ARHGEF3: variants seen among roughly 807,000 people sequenced by gnomAD.
ARHGEF3 encodes the protein Rho guanine nucleotide exchange factor 3.
A neutral mutation model predicts 63.2 loss-of-function variants in ARHGEF3; 28 were observed. The observed-to-expected ratio is 0.44, with a 90% CI of 0.33 to 0.61. ARHGEF3 has a LOEUF of 0.61. ARHGEF3 is among the 20% of genes least tolerant of loss of function. The pLI, the probability that ARHGEF3 is intolerant of heterozygous loss-of-function variation, is 0.03. For synonymous variants in ARHGEF3, 266 were observed against 254.2 expected (o/e 1.05, Z -0.44); for missense variants, 533 against 659.3 (o/e 0.81, Z 2.10).
rs187034694 is a variant in ARHGEF3, at chr3:56,881,326, A to G, written c.192+966T>C. On this transcript the variant is annotated intron_variant, in intron 4 of 12. Coordinates refer to the ARHGEF3 transcript ENST00000338458. ...ATGGTCTCCACAGAGGAGAGCGAGC[A>G]CGGCCTAATGTTAGACGGATCCACA... Among the ~76,000 whole-genome samples, 6 of 152,278 alleles carry G rather than the reference A, an allele frequency of 3.9e-5. No homozygotes were observed. The East Asian group carries it at 1.2e-3, about 29-fold the overall frequency.
In ARHGEF3 at chr3:56,727,542, CTT is replaced by C. The variant is rs2032812981; in HGVS notation, c.*1726_*1727del. The C allele has an allele frequency of 6.6e-6, 1 of 152,644 alleles. No homozygotes were observed. The highest frequency in any genetic ancestry group is 2.4e-5 in the African/African-American group (1 of 41,456). The allele number at this position is 152,644 out of a possible 1,614,324, so 9.5% of individuals were successfully genotyped here. A position where few individuals can be genotyped will look rare whatever the true frequency, so the allele number is the denominator to read the frequency against. On this transcript the variant is annotated 3_prime_UTR_variant, in exon 10 of 10. Transcript: ENST00000296315. ...CCATAGGCCAACACTTGACAAACCT[CTT>C]TTCCCAACACACTGGCTGATGGCTT... is the stretch of plus-strand genomic sequence containing the variant.
intron 1 of ARHGEF3, among the ~76,000 whole-genome samples, 177 bp downstream of exon 1, chr3:56,801,526 C>T (rs988480785): frequency 6.6e-6 from 1 of 151,976 alleles, no homozygotes; most frequent in African/African-American, 2.4e-5. Flanking sequence ...TGAGAGATGG[C>T]GACGGGGAGA....
chr3:56,848,858 G>A (rs1410800333), intron 4 of ARHGEF3, among the ~76,000 whole-genome samples: 1 of 152,050 alleles, frequency 6.6e-6, no homozygotes, highest in Non-Finnish European at 1.5e-5. Flanking sequence ...TAGTAGAGAC[G>A]GAGTATCACC....
intron 3 of ARHGEF3, among the ~76,000 whole-genome samples, chr3:56,891,613 T>C (rs1390849528): frequency 6.6e-6 from 1 of 152,220 alleles, no homozygotes; most frequent in African/African-American, 2.4e-5. Flanking sequence ...CATTTATTTG[T>C]TGTGGAACCT....
At chr3:56,879,219 C>A (rs185756822) in intron 4 of ARHGEF3, among the ~76,000 whole-genome samples, 1 of 152,190 alleles carries the variant, frequency 6.6e-6, no homozygotes. Flanking sequence ...CCATCCCCTA[C>A]CCCACCCGGT....
At chr3:56,874,712 G>A (rs1347030935) in intron 4 of ARHGEF3, among the ~76,000 whole-genome samples, 1 of 152,176 alleles carries the variant, frequency 6.6e-6, no homozygotes, top group African/African-American at 2.4e-5. Context: ...CCAGCTAAAA[G>A]CACTAAACAT....
chr3:56,861,644 A>G (rs2040075382), intron 4 of ARHGEF3, among the ~76,000 whole-genome samples: 1 of 152,078 alleles, frequency 6.6e-6, no homozygotes, highest in Non-Finnish European at 1.5e-5. Context: ...TAAAATGTAC[A>G]AGGGCCTGGG....
intron 1 of ARHGEF3, chr3:56,775,689 T>G: frequency 1.0e-6 from 1 of 985,794 alleles, no homozygotes; most frequent in Non-Finnish European, 1.2e-6. Flanking sequence ...GGATGCTCCC[T>G]GTCCAGTGCC....
intron 4 of ARHGEF3, among the ~76,000 whole-genome samples, chr3:56,817,678 C>T (rs1301425866): frequency 6.6e-6 from 1 of 152,120 alleles, no homozygotes; most frequent in Non-Finnish European, 1.5e-5. Flanking sequence ...AGGGTACTGC[C>T]CTGTTGTATA....
chr3:56,842,782 C>A (rs2039358098), intron 4 of ARHGEF3, among the ~76,000 whole-genome samples: 1 of 152,174 alleles, frequency 6.6e-6, no homozygotes, highest in South Asian at 2.1e-4. Flanking sequence ...GAGCAGGCGC[C>A]CCATTCAGAT....
intron 1 of ARHGEF3, among the ~76,000 whole-genome samples, chr3:57,056,258 A>G (rs9862348): frequency 0.87 from 131,816 of 151,796 alleles, 57,328 homozygotes; most frequent in East Asian, 0.96. Flanking sequence ...GTGACAGCAC[A>G]CACCTGTAAT....
At chr3:57,051,445 C>G (rs1488073866) in intron 1 of ARHGEF3, among the ~76,000 whole-genome samples, 1 of 151,980 alleles carries the variant, frequency 6.6e-6, no homozygotes, top group Non-Finnish European at 1.5e-5. Context: ...CAAGATTGCG[C>G]CACTGCATTC....
At chr3:57,006,919 G>A (rs1322053609) in intron 2 of ARHGEF3, among the ~76,000 whole-genome samples, 2 of 152,116 alleles carry the variant, frequency 1.3e-5, no homozygotes, top group Non-Finnish European at 1.5e-5. Flanking sequence ...CCCTGCTTAG[G>A]GATCTTTAAG....
At position 56,936,251 on chromosome 3, in the gene ARHGEF3, G is replaced by A. The variant is rs554639843; in HGVS notation, c.129+22572C>T. On this transcript the variant is annotated intron_variant, in intron 3 of 12. Coordinates refer to the ARHGEF3 transcript ENST00000338458. ...GTGCCACATACAAGGAGGAGACACC[G>A]GGAGCAGAACCTATAGGTCAGTAAC... Among the ~76,000 whole-genome samples, 322 of 152,236 alleles carry A rather than the reference G, an allele frequency of 2.1e-3. 1 individual carries two copies. Among genetic ancestry groups the A allele is most frequent in the African/African-American group, 7.5e-3 (310 of 41,536 alleles).
At chr3:57,078,385 C>G (rs1429522770) in intron 1 of ARHGEF3, among the ~76,000 whole-genome samples, 1 of 152,222 alleles carries the variant, frequency 6.6e-6, no homozygotes, top group African/African-American at 2.4e-5. Context: ...GGCAATAAAT[C>G]CAGCAAGCCG....
chr3:57,064,162 C>T (rs947845443), intron 1 of ARHGEF3, among the ~76,000 whole-genome samples: 1 of 151,976 alleles, frequency 6.6e-6, no homozygotes, highest in African/African-American at 2.4e-5. Flanking sequence ...CCAGCTAACC[C>T]GGAAGCTGAG....
intron 2 of ARHGEF3, among the ~76,000 whole-genome samples, chr3:57,010,943 G>A (rs1248660452): frequency 6.6e-6 from 1 of 152,138 alleles, no homozygotes; most frequent in Non-Finnish European, 1.5e-5. Flanking sequence ...AAAGAAATGA[G>A]CCAAACACAA....
At position 56,801,845 on chromosome 3, in the gene ARHGEF3, C is replaced by T. The variant is rs2037670427; in HGVS notation, c.-47G>A. ...TTGGGATGTCACCGCTGACCCTAGG[C>T]GACTACAAAACTCCCAGGCAAAAGG... On this transcript the variant is annotated 5_prime_UTR_variant, in exon 1 of 10. Transcript: ENST00000296315. The T allele has an allele frequency of 1.3e-6, 2 of 1,551,616 alleles. No individual in the cohort carries two copies. Among genetic ancestry groups the T allele is most frequent in the Non-Finnish European group, 1.7e-6 (2 of 1,147,040 alleles).
chr3:57,010,024 G>T (rs565021282), intron 2 of ARHGEF3, among the ~76,000 whole-genome samples: 18 of 152,292 alleles, frequency 1.2e-4, no homozygotes, highest in African/African-American at 4.3e-4. Flanking sequence ...ACCACAGGCA[G>T]CTGCCTTCTG....
Sources: gnomAD v4.1 joint callset for allele counts (sites outside exome capture counted in the v4.1 genomes callset) on GRCh38, gnomAD v4.1.1 for gene constraint, MANE v1.5 for transcripts, NCBI Gene and HGNC (gene_info 2026-07-23, HGNC 2026-07-21) for gene names.